The following ELOB variants were observed in gnomAD, a reference collection of about 807,000 sequenced individuals.
The protein encoded by ELOB is elongin B.
In ELOB, 3 loss-of-function variants were observed where a neutral mutation model predicts 12.9. The observed-to-expected ratio is 0.23, with a 90% CI of 0.11 to 0.60. The LOEUF is 0.60. Ranked by LOEUF, ELOB falls within the 20% of genes least tolerant of loss-of-function variation. The pLI is 0.89. For synonymous variants in ELOB, 84 were observed against 67.4 expected (o/e 1.25, Z -1.21); for missense variants, 126 against 159.2 (o/e 0.79, Z 1.12).
chr16:2,771,924 A>G lies in ELOB; in HGVS notation c.*66T>C, dbSNP rs902890051. The G allele has an allele frequency of 1.3e-4, 198 of 1,553,366 alleles. No homozygotes were observed. The highest frequency in any genetic ancestry group is 2.3e-4 in the Middle Eastern group (1 of 4,298). Reference sequence around the variant, plus strand: ...ACCCATCCCAGGGAGGGGCGGGAAAAAGAGGCAGCAACCAGGCAGACTCCC... The same window carrying G: ...ACCCATCCCAGGGAGGGGCGGGAAAGAGAGGCAGCAACCAGGCAGACTCCC... On this transcript the variant is annotated 3_prime_UTR_variant, in exon 4 of 4. Coordinates refer to ENST00000409906, the MANE Select transcript of ELOB (RefSeq NM_007108.4).
At chr16:2,775,957 C>T (rs1212367587) in intron 2 of ELOB, among the ~76,000 whole-genome samples, 1 of 152,174 alleles carries the variant, frequency 6.6e-6, no homozygotes, top group Non-Finnish European at 1.5e-5. Context: ...TAAGCGCTAT[C>T]ATAGCCCCCT....
chr16:2,777,205 G>A (rs1297843196), intron 1 of ELOB, 32 bp downstream of exon 1: 10 of 681,276 alleles, frequency 1.5e-5, no homozygotes, highest in South Asian at 6.6e-5. Context: ...CCCCCGGCCC[G>A]GCCCGGCCGC....
chr16:2,774,192 T>C (rs1422696934), intron 3 of ELOB, among the ~76,000 whole-genome samples: 1 of 150,934 alleles, frequency 6.6e-6, no homozygotes, highest in Non-Finnish European at 1.5e-5. Flanking sequence ...ATGGCGCCAC[T>C]GCACTCCAGC....
At position 2,771,798 on chromosome 16, in the gene ELOB, C is replaced by T; in HGVS notation, c.*192G>A. 6.9e-7 allele frequency: 1 copy of T among 1,452,422 alleles called. No homozygotes were observed. The highest frequency in any genetic ancestry group is 9.0e-7 in the Non-Finnish European group (1 of 1,106,886). The allele number at this position is 1,452,422 out of a possible 1,614,324, so 90.0% of individuals were successfully genotyped here. On this transcript the variant is annotated 3_prime_UTR_variant, in exon 4 of 4. Transcript: ENST00000409906. ...AGGTCCCCATGGTGCCTTTAAGCAG[C>T]AGGCTGGGCCAAGTTCTCAGCCAGG...
intron 3 of ELOB, among the ~76,000 whole-genome samples, chr16:2,774,903 C>A (rs889883186): frequency 5.3e-5 from 8 of 152,184 alleles, no homozygotes; most frequent in Admixed American, 3.9e-4. Flanking sequence ...CTAACCTCCC[C>A]AGGCTCACTT....
At chr16:2,777,204 C>A in intron 1 of ELOB, 33 bp downstream of exon 1, 1 of 997,398 alleles carries the variant, frequency 1.0e-6, no homozygotes, top group Non-Finnish European at 1.2e-6. Context: ...GCCCCCGGCC[C>A]GGCCCGGCCG....
At chr16:2,773,334 A>G (rs1294653749) in intron 3 of ELOB, among the ~76,000 whole-genome samples, 2 of 152,158 alleles carry the variant, frequency 1.3e-5, no homozygotes, top group African/African-American at 4.8e-5. Context: ...GGCAACCCAC[A>G]CAGCAATCCA....
At chr16:2,775,632 G>A (rs532171314) in intron 2 of ELOB, 76 bp from the exon 3 acceptor site, 66 of 1,221,732 alleles carry the variant, frequency 5.4e-5, no homozygotes, top group Non-Finnish European at 7.3e-5. Context: ...GCAACTACAC[G>A]GGAAGTCAGA....
chr16:2,772,233 TC>T, intron 3 of ELOB, 131 bp from the exon 4 acceptor site: 1 of 1,106,684 alleles, frequency 9.0e-7, no homozygotes, highest in Non-Finnish European at 1.2e-6. Flanking sequence ...GGCTGTAGTC[TC>T]CACAGCGCTG....
chr16:2,772,302 C>T, intron 3 of ELOB, 200 bp from the exon 4 acceptor site: 1 of 530,800 alleles, frequency 1.9e-6, no homozygotes, highest in Non-Finnish European at 3.0e-6. Context: ...CCCCTGTGGG[C>T]CCAACCTGAA....
intron 3 of ELOB, 124 bp from the exon 4 acceptor site, chr16:2,772,226 T>C: frequency 8.3e-7 from 1 of 1,197,846 alleles, no homozygotes; most frequent in Non-Finnish European, 1.1e-6. Flanking sequence ...TCCACACGGC[T>C]GTAGTCTCCA....
chr16:2,774,494 G>T (rs574975348), intron 3 of ELOB, among the ~76,000 whole-genome samples: 2 of 152,362 alleles, frequency 1.3e-5, no homozygotes, highest in South Asian at 4.1e-4. Flanking sequence ...CAAGGTAGCT[G>T]GCCAGAGGAT....
chr16:2,772,240 C>T (rs1044376119), intron 3 of ELOB, 138 bp from the exon 4 acceptor site: 20 of 1,040,334 alleles, frequency 1.9e-5, no homozygotes, highest in East Asian at 6.0e-5. Flanking sequence ...GTCTCCACAG[C>T]GCTGACCTCC....
At chr16:2,772,827 C>G (rs1001316889) in intron 3 of ELOB, among the ~76,000 whole-genome samples, 2 of 142,758 alleles carry the variant, frequency 1.4e-5, no homozygotes, top group African/African-American at 5.3e-5. Context: ...CTCTGCTTCC[C>G]ACGCTCTGAG....
chr16:2,776,890 C>T (rs2068804289), intron 2 of ELOB, 103 bp downstream of exon 2: 1 of 1,411,236 alleles, frequency 7.1e-7, no homozygotes, highest in South Asian at 1.3e-5. Flanking sequence ...CGGGCGCCCG[C>T]AGGCGTCGCC....
In ELOB at chr16:2,772,080, G is replaced by A. The variant is rs1242873024; in HGVS notation, c.267C>T (p.Cys89=). The change falls in exon 4 of 4, where the codon TGC becomes TGT. Residue 89 remains cysteine (C), a synonymous_variant. Coordinates refer to ENST00000409906, the MANE Select transcript of ELOB (RefSeq NM_007108.4). ...FRADDTFEAL[C]IEPFSSPPEL... The stretch of plus-strand genomic sequence containing the variant: ...CTGGCGGGCTGGAAAACGGCTCGAT[G>A]CACAGGGCCTCAAAGGTGTCATCTG... 1 of 1,612,052 alleles carries A rather than the reference G, an allele frequency of 6.2e-7. No homozygotes were observed. Among genetic ancestry groups the A allele is most frequent in the South Asian group, 1.1e-5 (1 of 90,868 alleles).
At chr16:2,772,243 T>C (rs2068763564) in intron 3 of ELOB, 141 bp from the exon 4 acceptor site, 1 of 1,010,056 alleles carries the variant, frequency 9.9e-7, no homozygotes, top group Non-Finnish European at 1.4e-6. Context: ...TCCACAGCGC[T>C]GACCTCCCTG....
Position 2,771,938 on chromosome 16 carries a change from A to AG in ELOB, c.*51dup, listed in dbSNP as rs893410475. On this transcript the variant is annotated 3_prime_UTR_variant, in exon 4 of 4. Coordinates refer to ENST00000409906, the MANE Select transcript of ELOB (RefSeq NM_007108.4). ...GGGGCGGGAAAAAGAGGCAGCAACCAGGCAGACTCCCAAATCTCTTTTATT... is the reference window on the plus strand; with the variant it reads ...GGGGCGGGAAAAAGAGGCAGCAACCAGGGCAGACTCCCAAATCTCTTTTATT... 1.3e-5 allele frequency: 20 copies of AG among 1,579,392 alleles called. No homozygotes were observed. In the African/African-American group the frequency reaches 2.4e-4, roughly 19 times the overall value.
In ELOB at chr16:2,777,047, C is replaced by T. The variant is rs762288147; in HGVS notation, c.84G>A (p.Lys28=). The T allele has an allele frequency of 8.7e-6, 14 of 1,607,414 alleles. No individual in the cohort carries two copies. The South Asian group carries it at 1.5e-4, about 18-fold the overall frequency. The change falls in exon 2 of 4, where the codon AAG becomes AAA. Residue 28 remains lysine (K), a synonymous_variant. Transcript: ENST00000409906. Reference sequence around the variant, plus strand: ...GCTTGAGGATGCCCTCGACGATGCGCTTCAGTTCGAACACCGTGCTGGACT... The same window carrying T: ...GCTTGAGGATGCCCTCGACGATGCGTTTCAGTTCGAACACCGTGCTGGACT... ...AKESSTVFEL[K]RIVEGILKRP... is the part of the protein sequence containing the mutation.
Sources: gnomAD v4.1 joint callset for allele counts (sites outside exome capture counted in the v4.1 genomes callset) on GRCh38, gnomAD v4.1.1 for gene constraint, MANE v1.5 for transcripts, NCBI Gene and HGNC (gene_info 2026-07-23, HGNC 2026-07-21) for gene names.